The following ZFPM2 variants were observed in gnomAD, a reference collection of about 807,000 sequenced individuals.
ZFPM2 encodes the protein zinc finger protein ZFPM2.
ZFPM2 carries 20 observed loss-of-function variants against 98.6 expected under a neutral mutation model. The ratio of observed to expected loss-of-function variants is 0.20; its 90% CI spans 0.14 to 0.29. The LOEUF (loss-of-function observed/expected upper bound fraction) is 0.29. ZFPM2 is among the 10% of genes least tolerant of loss of function. The probability of loss-of-function intolerance (pLI) is 1.00; values close to 1 mark genes in which losing one functional copy is unlikely to be tolerated. For missense variants in ZFPM2, 1,310 were observed against 1,388.6 expected (o/e 0.94, Z 0.90); for synonymous variants, 518 against 502.7 (o/e 1.03, Z -0.41).
intron 6 of ZFPM2, among the ~76,000 whole-genome samples, chr8:105,789,975 C>T (rs1386108368): frequency 2.0e-5 from 3 of 151,742 alleles, no homozygotes; most frequent in African/African-American, 7.3e-5. Flanking sequence ...ATTGTAGATT[C>T]TGGATATTAG....
intron 1 of ZFPM2, among the ~76,000 whole-genome samples, chr8:105,335,385 T>G (rs769140793): frequency 2.3e-4 from 35 of 151,962 alleles, no homozygotes; most frequent in African/African-American, 8.0e-4. Flanking sequence ...TAATTTACAT[T>G]CTGAGTTTGG....
At chr8:105,679,922 A>C (rs79878492) in intron 5 of ZFPM2, among the ~76,000 whole-genome samples, 2 of 152,164 alleles carry the variant, frequency 1.3e-5, no homozygotes, top group African/African-American at 4.8e-5. Flanking sequence ...ATATTTCTTC[A>C]AGAAACTTTA....
intron 4 of ZFPM2, among the ~76,000 whole-genome samples, chr8:105,577,412 T>A (rs1815489624): frequency 6.6e-6 from 1 of 152,100 alleles, no homozygotes; most frequent in Admixed American, 6.5e-5. Flanking sequence ...AATACATTTG[T>A]ATGTTTTTCC....
At chr8:105,423,870 A>G (rs1811851814) in intron 2 of ZFPM2, among the ~76,000 whole-genome samples, 1 of 152,242 alleles carries the variant, frequency 6.6e-6, no homozygotes, top group Middle Eastern at 3.2e-3. Context: ...AGTTCTAATT[A>G]ATAATTGTAA....
chr8:105,677,511 A>G lies in ZFPM2; in HGVS notation c.532+43154A>G, dbSNP rs1292631572. ...AATTAAACAATTCTCTTCAACAAAT[A>G]AGTGTCTCTGGTTTCTTTTCCTTTC... On this transcript the variant is annotated intron_variant, in intron 5 of 7. Transcript: ENST00000407775. 2.0e-5 allele frequency among the ~76,000 whole-genome samples: 3 copies of G among 152,038 alleles called. No individual in the cohort carries two copies. The East Asian group carries it at 5.8e-4, about 29-fold the overall frequency.
At chr8:105,414,004 A>T (rs1303724761) in intron 1 of ZFPM2, among the ~76,000 whole-genome samples, 7 of 151,928 alleles carry the variant, frequency 4.6e-5, no homozygotes, top group Non-Finnish European at 5.9e-5. Context: ...TGTGACTTTC[A>T]TCCCACCTGT....
chr8:105,541,575 C>T (rs1009117585), intron 3 of ZFPM2, among the ~76,000 whole-genome samples: 3 of 152,134 alleles, frequency 2.0e-5, no homozygotes, highest in Non-Finnish European at 2.9e-5. Context: ...TCTGAGGGAA[C>T]TGAAAATAAG....
intron 4 of ZFPM2, among the ~76,000 whole-genome samples, chr8:105,586,196 A>G (rs1360429787): frequency 2.6e-5 from 4 of 152,178 alleles, no homozygotes; most frequent in Admixed American, 2.0e-4. Context: ...AAGTGTTTCA[A>G]TGAGGCACTA....
chr8:105,642,118 A>C (rs1246298339), intron 5 of ZFPM2, among the ~76,000 whole-genome samples: 1 of 152,142 alleles, frequency 6.6e-6, no homozygotes. Context: ...TATCTTTGTC[A>C]GTTGAAATGA....
chr8:105,561,528 G>T, intron 4 of ZFPM2, 47 bp downstream of exon 4: 1 of 1,410,110 alleles, frequency 7.1e-7, no homozygotes. Context: ...TCGACTGTTA[G>T]TATTTTGCCA....
At chr8:105,618,757 C>G (rs1376911061) in intron 4 of ZFPM2, among the ~76,000 whole-genome samples, 1 of 151,862 alleles carries the variant, frequency 6.6e-6, no homozygotes, top group African/African-American at 2.4e-5. Context: ...GTAACTTGCC[C>G]AAGGCTATAC....
chr8:105,393,874 G>A (rs563210824), intron 1 of ZFPM2, among the ~76,000 whole-genome samples: 3 of 151,238 alleles, frequency 2.0e-5, no homozygotes, highest in African/African-American at 4.8e-5. Flanking sequence ...AAATGTTATA[G>A]AATTAGATCT....
intron 1 of ZFPM2, among the ~76,000 whole-genome samples, chr8:105,353,273 A>G (rs914354584): frequency 5.3e-5 from 8 of 152,052 alleles, no homozygotes; most frequent in Non-Finnish European, 1.2e-4. Context: ...CTGGCACTCA[A>G]TTCACTCTGT....
intron 1 of ZFPM2, among the ~76,000 whole-genome samples, chr8:105,418,244 T>G (rs986238189): frequency 6.6e-6 from 1 of 152,148 alleles, no homozygotes; most frequent in African/African-American, 2.4e-5. Context: ...ACCATAATTG[T>G]GTTCTTTGGA....
chr8:105,422,412 G>T (rs1033940535), intron 2 of ZFPM2, among the ~76,000 whole-genome samples: 2 of 152,110 alleles, frequency 1.3e-5, no homozygotes, highest in Non-Finnish European at 2.9e-5. Flanking sequence ...CTGCATGCCC[G>T]CCTGGGCAAC....
intron 5 of ZFPM2, among the ~76,000 whole-genome samples, chr8:105,650,886 G>A (rs1468518109): frequency 5.9e-5 from 9 of 152,162 alleles, no homozygotes; most frequent in African/African-American, 1.4e-4. Context: ...TATTAGGTCC[G>A]CTTGGTGCAG....
At chr8:105,386,338 T>A (rs1254787393) in intron 1 of ZFPM2, among the ~76,000 whole-genome samples, 4 of 152,200 alleles carry the variant, frequency 2.6e-5, no homozygotes, top group Non-Finnish European at 5.9e-5. Context: ...ATCAGAATTA[T>A]AAGGTAAGAA....
chr8:105,343,160 A>G (rs1240824348), intron 1 of ZFPM2, among the ~76,000 whole-genome samples: 1 of 152,166 alleles, frequency 6.6e-6, no homozygotes, highest in Non-Finnish European at 1.5e-5. Context: ...TTAAAAAATC[A>G]ACTTTATTAA....
chr8:105,337,786 C>T (rs1389179292), intron 1 of ZFPM2, among the ~76,000 whole-genome samples: 1 of 150,474 alleles, frequency 6.6e-6, no homozygotes, highest in Non-Finnish European at 1.5e-5. Flanking sequence ...GAAAAATAAT[C>T]AGATGAGGAT....
Sources: gnomAD v4.1 joint callset for allele counts (sites outside exome capture counted in the v4.1 genomes callset) on GRCh38, gnomAD v4.1.1 for gene constraint, MANE v1.5 for transcripts, NCBI Gene and HGNC (gene_info 2026-07-23, HGNC 2026-07-21) for gene names.